The following TOX variants were observed in gnomAD, a reference collection of about 807,000 sequenced individuals.
TOX encodes the protein thymocyte selection associated high mobility group box, also known as thymocyte selection-associated high mobility group box protein TOX.
In TOX, 11 loss-of-function variants were observed where a neutral mutation model predicts 53.7. That is an observed-to-expected ratio of 0.20 (90% CI 0.13 to 0.34). The LOEUF is 0.34. TOX is among the 10% of genes least tolerant of loss of function. The pLI is 1.00. For missense variants in TOX, 570 were observed against 664.6 expected, an observed-to-expected ratio of 0.86 and a Z score of 1.56; for synonymous variants, 225 against 245.3, an observed-to-expected ratio of 0.92 and a Z score of 0.77.
intron 2 of TOX, among the ~76,000 whole-genome samples, chr8:58,947,986 T>C (rs1274782398): frequency 6.6e-6 from 1 of 152,200 alleles, no homozygotes; most frequent in Admixed American, 6.5e-5. Flanking sequence ...CAAAGCAAAC[T>C]TCAGGCTACT....
intron 1 of TOX, among the ~76,000 whole-genome samples, chr8:59,100,835 G>C (rs1389022176): frequency 6.6e-6 from 1 of 152,066 alleles, no homozygotes; most frequent in Non-Finnish European, 1.5e-5. Context: ...TTAAAAAAAA[G>C]AGTTGAGCAT....
chr8:59,008,977 T>C (rs1356542323), intron 1 of TOX, among the ~76,000 whole-genome samples: 1 of 152,200 alleles, frequency 6.6e-6, no homozygotes, highest in Non-Finnish European at 1.5e-5. Flanking sequence ...TTCTTTCTTT[T>C]GGTTTAAATT....
At chr8:58,944,222 C>T (rs993437282) in intron 2 of TOX, among the ~76,000 whole-genome samples, 7 of 152,114 alleles carry the variant, frequency 4.6e-5, no homozygotes, top group Non-Finnish European at 1.0e-4. Flanking sequence ...AGGATCCCAG[C>T]GCCACTGAAT....
At chr8:59,054,937 A>G (rs1803863252) in intron 1 of TOX, among the ~76,000 whole-genome samples, 1 of 135,056 alleles carries the variant, frequency 7.4e-6, no homozygotes, top group Admixed American at 8.0e-5. Context: ...AGAAAAAGAA[A>G]GAAAGGAAAA....
intron 1 of TOX, among the ~76,000 whole-genome samples, chr8:58,963,314 T>TATAGATAGATGATAG (rs1554533757): frequency 7.7e-6 from 1 of 130,648 alleles, no homozygotes; most frequent in Non-Finnish European, 1.8e-5. Flanking sequence ...TAGATATATA[T>TATAGATAGATGATAG]ATAGATAGAT....
intron 5 of TOX, among the ~76,000 whole-genome samples, chr8:58,827,770 C>T (rs1810389086): frequency 6.6e-6 from 1 of 152,154 alleles, no homozygotes; most frequent in Non-Finnish European, 1.5e-5. Flanking sequence ...AGTGAGCAGT[C>T]ATTAGAGTTG....
At chr8:58,875,639 G>C (rs1811269941) in intron 3 of TOX, among the ~76,000 whole-genome samples, 1 of 152,126 alleles carries the variant, frequency 6.6e-6, no homozygotes, top group South Asian at 2.1e-4. Flanking sequence ...TTCTGGTTCA[G>C]TATCTTTGAA....
intron 1 of TOX, among the ~76,000 whole-genome samples, chr8:59,032,789 C>CAGATCTCTTGAGGTGGGT (rs938706072): frequency 2.0e-5 from 3 of 152,072 alleles, no homozygotes; most frequent in African/African-American, 7.2e-5. Context: ...CTCTTGAGGC[C>CAGATCTCTTGAGGTGGGT]AGATCTCTTG....
intron 1 of TOX, among the ~76,000 whole-genome samples, chr8:58,996,316 C>G (rs1240855825): frequency 1.3e-5 from 2 of 152,184 alleles, no homozygotes; most frequent in African/African-American, 2.4e-5. Flanking sequence ...GGTCCAGATA[C>G]AATTTCTAAG....
At chr8:58,843,868 C>T (rs906620977) in intron 4 of TOX, among the ~76,000 whole-genome samples, 1 of 152,128 alleles carries the variant, frequency 6.6e-6, no homozygotes, top group Non-Finnish European at 1.5e-5. Context: ...TTGTTGTGTC[C>T]AAAGCCTCCT....
chr8:58,864,467 C>T (rs1280074229), intron 3 of TOX, among the ~76,000 whole-genome samples: 1 of 152,104 alleles, frequency 6.6e-6, no homozygotes, highest in African/African-American at 2.4e-5. Context: ...TTCACCAGTC[C>T]CCAAATATGG....
chr8:59,089,533 T>C (rs763207070), intron 1 of TOX, among the ~76,000 whole-genome samples: 1 of 152,198 alleles, frequency 6.6e-6, no homozygotes, highest in Non-Finnish European at 1.5e-5. Flanking sequence ...CACTCCTTGG[T>C]AGCATGGAAG....
intron 3 of TOX, among the ~76,000 whole-genome samples, chr8:58,880,211 T>C (rs1162108371): frequency 6.6e-6 from 1 of 152,158 alleles, no homozygotes; most frequent in African/African-American, 2.4e-5. Context: ...TCTGCCTGGA[T>C]GTCAGTGCTC....
At chr8:58,927,181 TTC>T (rs1812177549) in intron 3 of TOX, among the ~76,000 whole-genome samples, 1 of 152,202 alleles carries the variant, frequency 6.6e-6, no homozygotes, top group Non-Finnish European at 1.5e-5. Context: ...TCTCTACTCA[TTC>T]TCTTTTATTA....
intron 1 of TOX, among the ~76,000 whole-genome samples, chr8:59,050,485 T>C (rs988499853): frequency 6.6e-6 from 1 of 152,176 alleles, no homozygotes; most frequent in Non-Finnish European, 1.5e-5. Context: ...GCCATCAGAT[T>C]AATGAATTAA....
chr8:58,901,338 T>C (rs1811732146), intron 3 of TOX, among the ~76,000 whole-genome samples: 1 of 152,188 alleles, frequency 6.6e-6, no homozygotes, highest in Non-Finnish European at 1.5e-5. Context: ...ACCAGCCATT[T>C]CATTCTTTGG....
At chr8:58,981,597 C>T (rs987210465) in intron 1 of TOX, among the ~76,000 whole-genome samples, 1 of 152,006 alleles carries the variant, frequency 6.6e-6, no homozygotes, top group African/African-American at 2.4e-5. Context: ...TCATCTTTTC[C>T]GTTGAGTTTC....
intron 1 of TOX, among the ~76,000 whole-genome samples, chr8:58,970,299 T>C (rs1812979678): frequency 6.6e-6 from 1 of 152,200 alleles, no homozygotes; most frequent in Admixed American, 6.5e-5. Context: ...CCTTGCTTAG[T>C]GATTTTCATA....
At position 58,808,081 on chromosome 8, in the gene TOX, GCTGTCCACCACCAGGTGGCGATGA is replaced by G. The variant is rs1376090625; in HGVS notation, c.1544+13_1544+36del. 3.1e-6 allele frequency: 5 copies of G among 1,589,440 alleles called. No individual in the cohort carries two copies. The highest frequency in any genetic ancestry group is 4.3e-6 in the Non-Finnish European group (5 of 1,168,822). On this transcript the variant is annotated intron_variant, in intron 8 of 8. Coordinates refer to ENST00000361421, the MANE Select transcript of TOX (RefSeq NM_014729.3). ...TAGGGACGATATGCATGCTATGAGC[GCTGTCCACCACCAGGTGGCGATGA>G]CCGGCCGCTTACCCACTACTGCAGT...
Sources: allele counts gnomAD v4.1 joint callset (sites outside exome capture counted in the v4.1 genomes callset), GRCh38; gene constraint gnomAD v4.1.1; transcripts MANE v1.5; gene names NCBI Gene and HGNC (gene_info 2026-07-23, HGNC 2026-07-21).